Variants in PLB1 observed in about 807,000 individuals in gnomAD.
PLB1 encodes the protein phospholipase B1, membrane-associated.
PLB1 carries 242 observed loss-of-function variants against 227.4 expected under a neutral mutation model. The observed-to-expected ratio is 1.06, with a 90% CI of 0.96 to 1.18. The LOEUF (loss-of-function observed/expected upper bound fraction) is 1.18, where lower values mean the gene tolerates loss of function less well. PLB1 is among the 50% of genes most tolerant of loss of function. PLB1 has a pLI of 0.00. For missense variants in PLB1, 1,858 were observed against 1,816.3 expected, an observed-to-expected ratio of 1.02 and a Z score of -0.42; for synonymous variants, 757 against 682.2, an observed-to-expected ratio of 1.11 and a Z score of -1.71.
intron 21 of PLB1, among the ~76,000 whole-genome samples, chr2:28,577,828 A>G (rs1224703536): frequency 1.3e-5 from 2 of 152,226 alleles, no homozygotes; most frequent in East Asian, 1.9e-4. Context: ...TGACAGAGAA[A>G]GACTCCATCT....
At chr2:28,602,771 C>T in intron 38 of PLB1, 50 bp from the exon 39 acceptor site, 1 of 1,536,084 alleles carries the variant, frequency 6.5e-7, no homozygotes, top group Non-Finnish European at 9.0e-7. Context: ...TGAGACAGCC[C>T]CAGGAAGAAG....
intron 13 of PLB1, 68 bp from the exon 14 acceptor site, chr2:28,543,144 A>C: frequency 6.6e-7 from 1 of 1,505,454 alleles, no homozygotes; most frequent in South Asian, 1.2e-5. Flanking sequence ...AGAGCTTCAA[A>C]GTGTGTAGCA....
chr2:28,592,857 G>A lies in PLB1; in HGVS notation c.2247+138G>A, dbSNP rs567628546. 8.3e-6 allele frequency: 6 copies of A among 725,212 alleles called. No homozygotes were observed. The Admixed American group carries it at 1.6e-4, about 19-fold the overall frequency. 44.9% of individuals were successfully genotyped at this position (725,212 alleles called of 1,614,324 possible). A position where few individuals can be genotyped will look rare whatever the true frequency, so the allele number is the denominator to read the frequency against. ...CCTGGCTCTGTCAATCCAAGAGCAT[G>A]CCAGTTATTTGATTTGCGGCCACTT... On this transcript the variant is annotated intron_variant, in intron 32 of 57. Transcript: ENST00000327757.
At chr2:28,496,272 A>G (rs764547056) in intron 1 of PLB1, 103 bp downstream of exon 1, 11 of 1,178,412 alleles carry the variant, frequency 9.3e-6, no homozygotes, top group Non-Finnish European at 8.6e-6. Context: ...GCTTTTGAAG[A>G]GATAAAGCAC....
chr2:28,582,484 ACTGCCCAAGGATGATC>A lies in PLB1; in HGVS notation c.1715_1730del (p.Cys572SerfsTer9). 1 of 1,609,890 alleles carries A rather than the reference ACTGCCCAAGGATGATC, an allele frequency of 6.2e-7. No homozygotes were observed. The highest frequency in any genetic ancestry group is 2.2e-5 in the East Asian group (1 of 44,790). ...GAGCTGTACCAGGAGAAAAAAGTCT[ACTGCCCAAGGATGATC>A]CTCAGGTCAGACAGATACTTCTCCC... On this transcript the variant is annotated frameshift_variant, in exon 25 of 58. Transcript: ENST00000327757. LOFTEE classifies it high-confidence loss of function.
chr2:28,593,976 A>G, intron 33 of PLB1: 2 of 752,246 alleles, frequency 2.7e-6, no homozygotes, highest in African/African-American at 1.7e-5. Context: ...GTGCAGAGAA[A>G]GTAAACCAGG....
intron 23 of PLB1, among the ~76,000 whole-genome samples, chr2:28,580,473 G>A (rs1290735004): frequency 6.6e-6 from 1 of 152,192 alleles, no homozygotes; most frequent in Non-Finnish European, 1.5e-5. Flanking sequence ...CCAGCACTTC[G>A]GGAGGCCGAG....
At chr2:28,513,969 T>C (rs905701290) in intron 1 of PLB1, among the ~76,000 whole-genome samples, 2 of 152,238 alleles carry the variant, frequency 1.3e-5, no homozygotes, top group African/African-American at 4.8e-5. Context: ...TGAGAGCATC[T>C]TTCATCATAA....
At chr2:28,569,324 A>G (rs948072961) in intron 20 of PLB1, among the ~76,000 whole-genome samples, 2 of 152,160 alleles carry the variant, frequency 1.3e-5, no homozygotes, top group African/African-American at 4.8e-5. Flanking sequence ...GTCCATAATC[A>G]TGTATTGAGC....
rs767067732 is a variant in PLB1 at position 28,629,079 on chromosome 2, C to T, written c.3727-15C>T. On this transcript the variant is annotated splice_polypyrimidine_tract_variant and intron_variant, in intron 52 of 57. Transcript: ENST00000327757. ...TAGCCAGTGCCCTAACGAAACCACC[C>T]TCCACTCCCTGCAGCTCCCAAGGGC... The T allele has an allele frequency of 1.9e-6, 3 of 1,611,136 alleles. No homozygotes were observed. The highest frequency in any genetic ancestry group is 3.4e-5 in the Admixed American group (2 of 59,700).
chr2:28,544,720 T>A (rs1036522396), intron 14 of PLB1, among the ~76,000 whole-genome samples: 5 of 151,784 alleles, frequency 3.3e-5, no homozygotes, highest in Middle Eastern at 3.4e-3. Context: ...TGAATGGGCT[T>A]TGTGAAATGT....
intron 1 of PLB1, among the ~76,000 whole-genome samples, chr2:28,515,700 C>T (rs1459406155): frequency 6.6e-6 from 1 of 152,162 alleles, no homozygotes; most frequent in Non-Finnish European, 1.5e-5. Flanking sequence ...TTGCCCAAGT[C>T]AGGCTTCCTT....
chr2:28,527,168 C>G (rs12052472), intron 6 of PLB1, among the ~76,000 whole-genome samples: 12,766 of 152,200 alleles, frequency 0.084, 651 homozygotes, highest in East Asian at 0.21. Flanking sequence ...GCCTCTTTGC[C>G]TAATTTCTCA....
intron 25 of PLB1, among the ~76,000 whole-genome samples, chr2:28,582,781 G>A (rs1680263905): frequency 6.6e-6 from 1 of 152,168 alleles, no homozygotes; most frequent in Non-Finnish European, 1.5e-5. Context: ...CCTCCAGAGG[G>A]AAGAGTAAAA....
Position 28,582,098 on chromosome 2 carries a change from A to C in PLB1, c.1597A>C (p.Asn533His). Reference sequence around the variant, plus strand: ...CTATTCTCCCCAGAACTTCACAGACAACATTGGAAAGGCCCTGGACATCCT... The same window carrying C: ...CTATTCTCCCCAGAACTTCACAGACCACATTGGAAAGGCCCTGGACATCCT... ...VHYSPQNFTD[N>H]IGKALDILHA... The change falls in exon 24 of 58, where the codon AAC becomes CAC. Residue 533 changes from asparagine to histidine, a missense_variant. Asn to His is a moderately conservative substitution (Grantham distance 68). Coordinates refer to ENST00000327757, the MANE Select transcript of PLB1 (RefSeq NM_153021.5). 4 of 1,614,100 alleles carry C rather than the reference A, an allele frequency of 2.5e-6. No individual in the cohort carries two copies. Among genetic ancestry groups the C allele is most frequent in the Non-Finnish European group, 3.4e-6 (4 of 1,179,938 alleles).
chr2:28,638,989 A>G (rs1477056652), intron 56 of PLB1, among the ~76,000 whole-genome samples: 1 of 150,870 alleles, frequency 6.6e-6, no homozygotes, highest in Non-Finnish European at 1.5e-5. Context: ...GCTTGAACCC[A>G]GAGATGGGGT....
At chr2:28,587,922 A>G (rs1473449833) in intron 26 of PLB1, among the ~76,000 whole-genome samples, 1 of 152,132 alleles carries the variant, frequency 6.6e-6, no homozygotes, top group Non-Finnish European at 1.5e-5. Context: ...AAAGCAGGAG[A>G]AAGATTGATC....
chr2:28,613,903 T>G lies in PLB1; in HGVS notation c.3130-128T>G, dbSNP rs1685824464. 7 of 791,286 alleles carry G rather than the reference T, an allele frequency of 8.8e-6. No individual in the cohort carries two copies. The South Asian group carries it at 1.1e-4, about 13-fold the overall frequency. 49.0% of individuals were successfully genotyped at this position (791,286 alleles called of 1,614,324 possible). ...AATGAATGAAATTATGTTTATACAG[T>G]TCTTTCTATATAAGTGCAGAAGAAT... is the stretch of plus-strand genomic sequence containing the variant. On this transcript the variant is annotated intron_variant, in intron 43 of 57. Coordinates refer to ENST00000327757, the MANE Select transcript of PLB1 (RefSeq NM_153021.5).
intron 13 of PLB1, 21 bp from the exon 14 acceptor site, chr2:28,543,191 T>C: frequency 1.9e-6 from 3 of 1,600,834 alleles, no homozygotes; most frequent in African/African-American, 1.3e-5. Context: ...AAGGTCCCGC[T>C]GTCAACTGGT....
Sources: allele counts gnomAD v4.1 joint callset (sites outside exome capture counted in the v4.1 genomes callset), GRCh38; gene constraint gnomAD v4.1.1; transcripts MANE v1.5; gene names NCBI Gene and HGNC (gene_info 2026-07-23, HGNC 2026-07-21).